The following ITGB6 variants were observed in gnomAD, a reference collection of about 807,000 sequenced individuals.
ITGB6 encodes the protein integrin beta-6.
Under a neutral mutation model 84.5 loss-of-function variants are expected in ITGB6, and 80 were observed. The ratio of observed to expected loss-of-function variants is 0.95; its 90% CI spans 0.79 to 1.14. The LOEUF is 1.14. Among genes scored for constraint, ITGB6 ranks in the 50% most tolerant of loss-of-function variants. ITGB6 has a pLI of 0.00. For missense variants in ITGB6, 1,006 were observed against 968.0 expected (o/e 1.04, Z -0.52); for synonymous variants, 383 against 354.9 (o/e 1.08, Z -0.89).
chr2:160,168,265 C>A (rs1194089951), intron 7 of ITGB6, among the ~76,000 whole-genome samples: 1 of 152,116 alleles, frequency 6.6e-6, no homozygotes, highest in Admixed American at 6.6e-5. Context: ...GGGGCTGTAC[C>A]GTCCTTAGTA....
At chr2:160,137,120 A>T (rs913629419) in intron 10 of ITGB6, among the ~76,000 whole-genome samples, 2 of 152,118 alleles carry the variant, frequency 1.3e-5, no homozygotes, top group African/African-American at 4.8e-5. Flanking sequence ...AAAAACCTGG[A>T]AGGTAATGGA....
At chr2:160,191,870 A>C (rs925278415) in intron 4 of ITGB6, among the ~76,000 whole-genome samples, 2 of 152,204 alleles carry the variant, frequency 1.3e-5, no homozygotes, top group African/African-American at 4.8e-5. Context: ...TGTTATCCAC[A>C]AAGAATTCGA....
rs946850670 is a variant in ITGB6, at chr2:160,100,797, A to G, written c.*939T>C. The G allele has an allele frequency of 5.9e-5, 9 of 152,358 alleles. No individual in the cohort carries two copies. The highest frequency in any genetic ancestry group is 7.4e-5 in the Non-Finnish European group (5 of 68,018). The allele number at this position is 152,358 out of a possible 1,614,324, so 9.4% of individuals were successfully genotyped here. A position where few individuals can be genotyped will look rare whatever the true frequency, so the allele number is the denominator to read the frequency against. ...TGTATACTCTTGATGTGCTTGATTT[A>G]GAGCCATTTAAAATTTTATTGTGTT... On this transcript the variant is annotated 3_prime_UTR_variant, in exon 15 of 15. Coordinates refer to ENST00000283249, the MANE Select transcript of ITGB6 (RefSeq NM_000888.5).
chr2:160,124,111 A>G (rs1227028820), intron 11 of ITGB6, among the ~76,000 whole-genome samples: 1 of 152,224 alleles, frequency 6.6e-6, no homozygotes, highest in Non-Finnish European at 1.5e-5. Context: ...CAGTCTTGAT[A>G]ATAGCTACTA....
At chr2:160,102,379 T>C (rs1696753862) in intron 14 of ITGB6, among the ~76,000 whole-genome samples, 1 of 152,134 alleles carries the variant, frequency 6.6e-6, no homozygotes, top group Admixed American at 6.5e-5. Context: ...TGGGAGAAAG[T>C]AGTTGCTTGG....
intron 1 of ITGB6, 61 bp from the exon 2 acceptor site, chr2:160,199,319 G>T: frequency 8.1e-7 from 1 of 1,233,930 alleles, no homozygotes; most frequent in South Asian, 1.2e-5. Context: ...CCATTTATGA[G>T]ACTGATGGCT....
In ITGB6 at chr2:160,158,179, G is replaced by C. The variant is rs1326141329; in HGVS notation, c.1017+11033C>G. 2.6e-5 allele frequency among the ~76,000 whole-genome samples: 4 copies of C among 152,168 alleles called. No homozygotes were observed. In the East Asian group the frequency reaches 7.7e-4, roughly 29 times the overall value. On this transcript the variant is annotated intron_variant, in intron 7 of 14. Coordinates refer to ENST00000283249, the MANE Select transcript of ITGB6 (RefSeq NM_000888.5). ...TTCCATAGGCAGGCAGGTAGTGATG[G>C]GAGTGTGCTAATTAGATCAGGTGCT...
chr2:160,142,635 C>T (rs1188232624), intron 7 of ITGB6, among the ~76,000 whole-genome samples: 1 of 152,184 alleles, frequency 6.6e-6, no homozygotes. Context: ...TAGCACCGTG[C>T]TGGGGTTGGT....
chr2:160,142,180 A>T, intron 7 of ITGB6, 109 bp from the exon 8 acceptor site: 1 of 645,236 alleles, frequency 1.5e-6, no homozygotes, highest in Non-Finnish European at 2.7e-6. Context: ...GGCCAGGGAA[A>T]ACAGGTTCGT....
intron 13 of ITGB6, among the ~76,000 whole-genome samples, chr2:160,108,114 A>C (rs1196411327): frequency 6.6e-6 from 1 of 152,186 alleles, no homozygotes; most frequent in Non-Finnish European, 1.5e-5. Context: ...AATCCAAAAG[A>C]GTGATAATTA....
At chr2:160,162,378 G>GTA (rs1052873356) in intron 7 of ITGB6, among the ~76,000 whole-genome samples, 12 of 151,690 alleles carry the variant, frequency 7.9e-5, no homozygotes, top group Non-Finnish European at 1.5e-4. Context: ...ATATATATAT[G>GTA]TATATATATA....
chr2:160,145,390 C>A (rs1327860505), intron 7 of ITGB6, among the ~76,000 whole-genome samples: 1 of 152,176 alleles, frequency 6.6e-6, no homozygotes, highest in African/African-American at 2.4e-5. Context: ...CTCACTCATT[C>A]TTTCTGGTTA....
chr2:160,118,214 AAG>A (rs1682870492), intron 12 of ITGB6, among the ~76,000 whole-genome samples: 1 of 152,232 alleles, frequency 6.6e-6, no homozygotes, highest in African/African-American at 2.4e-5. Flanking sequence ...ACAACAAAAA[AAG>A]AGAATTTTAA....
rs558145681 is a variant in ITGB6, at chr2:160,101,696, C to T, written c.*40G>A. On this transcript the variant is annotated 3_prime_UTR_variant, in exon 15 of 15. Transcript: ENST00000283249. ...AAAATTAAATAGTGCATTAACATTT[C>T]ATATCAGTGAAACAGACTTTTTTCA... is the stretch of plus-strand genomic sequence containing the variant. 6 of 1,103,200 alleles carry T rather than the reference C, an allele frequency of 5.4e-6. No homozygotes were observed. The East Asian group carries it at 1.4e-4, about 26-fold the overall frequency. The allele number at this position is 1,103,200 out of a possible 1,614,324, so 68.3% of individuals were successfully genotyped here.
At chr2:160,114,587 A>G (rs1169896499) in intron 12 of ITGB6, among the ~76,000 whole-genome samples, 2 of 152,168 alleles carry the variant, frequency 1.3e-5, no homozygotes, top group East Asian at 3.9e-4. Flanking sequence ...AACGCAGAAG[A>G]TGGGTGATTT....
At chr2:160,150,399 G>C (rs1471134032) in intron 7 of ITGB6, among the ~76,000 whole-genome samples, 2 of 152,150 alleles carry the variant, frequency 1.3e-5, no homozygotes, top group South Asian at 2.1e-4. Context: ...TTACAGACAA[G>C]CAAATGCTGA....
intron 4 of ITGB6, among the ~76,000 whole-genome samples, chr2:160,178,028 C>A (rs570957423): frequency 6.6e-6 from 1 of 152,124 alleles, no homozygotes; most frequent in South Asian, 2.1e-4. Context: ...GCTCACGCCA[C>A]CATGCCCAGC....
chr2:160,126,695 C>A (rs749901218), intron 10 of ITGB6, 94 bp from the exon 11 acceptor site: 8 of 1,197,216 alleles, frequency 6.7e-6, no homozygotes, highest in African/African-American at 3.0e-5. Context: ...CTTTAAGCAC[C>A]GTCATCAAAA....
intron 12 of ITGB6, among the ~76,000 whole-genome samples, chr2:160,121,765 C>G (rs188122338): frequency 1.2e-5 from 1 of 80,944 alleles, no homozygotes; most frequent in African/African-American, 7.5e-5. Flanking sequence ...AAGGCCTTGT[C>G]TCAAAAAAAA....
Sources: gnomAD v4.1 joint callset for allele counts (sites outside exome capture counted in the v4.1 genomes callset) on GRCh38, gnomAD v4.1.1 for gene constraint, MANE v1.5 for transcripts, NCBI Gene and HGNC (gene_info 2026-07-23, HGNC 2026-07-21) for gene names.